TRHDE: variants seen among roughly 807,000 people sequenced by gnomAD.
The protein encoded by TRHDE is thyrotropin releasing hormone degrading enzyme.
Under a neutral mutation model 125.7 loss-of-function variants are expected in TRHDE, and 72 were observed. The observed-to-expected ratio is 0.57, with a 90% CI of 0.47 to 0.70. The LOEUF (loss-of-function observed/expected upper bound fraction) is 0.70, where lower values mean the gene tolerates loss of function less well. Among genes scored for constraint, TRHDE ranks in the 30% least tolerant of loss-of-function variants. The pLI, the probability that TRHDE is intolerant of heterozygous loss-of-function variation, is 0.00. For synonymous variants in TRHDE, 509 were observed against 509.1 expected (o/e 1.00, Z 0.00); for missense variants, 1,110 against 1,327.1 (o/e 0.84, Z 2.54).
chr12:72,648,810 C>G (rs1337982647), intron 15 of TRHDE, among the ~76,000 whole-genome samples: 4 of 151,512 alleles, frequency 2.6e-5, no homozygotes, highest in Non-Finnish European at 5.9e-5. Flanking sequence ...AATAAACTTT[C>G]AAAAGAATAA....
At chr12:72,355,470 C>T (rs977235364) in intron 2 of TRHDE, among the ~76,000 whole-genome samples, 16 of 151,534 alleles carry the variant, frequency 1.1e-4, no homozygotes, top group African/African-American at 2.9e-4. Context: ...ACGACCTAGG[C>T]AATACCATTC....
At chr12:72,158,219 G>A (rs1480757735) in intron 2 of TRHDE, among the ~76,000 whole-genome samples, 1 of 152,048 alleles carries the variant, frequency 6.6e-6, no homozygotes, top group Non-Finnish European at 1.5e-5. Context: ...CTGTAAAAGG[G>A]ATGAGAGGAA....
At chr12:72,275,756 G>A (rs373972795) in intron 1 of TRHDE, among the ~76,000 whole-genome samples, 1 of 152,110 alleles carries the variant, frequency 6.6e-6, no homozygotes, top group African/African-American at 2.4e-5. Flanking sequence ...TGCTTGAACC[G>A]TAACTGATTT....
rs372887491 is a variant in TRHDE at position 72,525,505 on chromosome 12, T to A, written c.1723-16786T>A. Among the ~76,000 whole-genome samples the A allele has an allele frequency of 1.6e-4, 24 of 152,138 alleles. No individual in the cohort carries two copies. The East Asian group carries it at 4.6e-3, about 29-fold the overall frequency. On this transcript the variant is annotated intron_variant, in intron 6 of 18. Transcript: ENST00000261180. Reference sequence around the variant, plus strand: ...TGCCTGGTATATCCTAGGATGACATTATTGAAATTTATACTTAAATTTGTT... The same window carrying A: ...TGCCTGGTATATCCTAGGATGACATAATTGAAATTTATACTTAAATTTGTT...
Position 72,226,256 on chromosome 12 carries a change from T to C in TRHDE, n.279+120504T>C, listed in dbSNP as rs1878125919. Among the ~76,000 whole-genome samples, 5 of 152,298 alleles carry C rather than the reference T, an allele frequency of 3.3e-5. No homozygotes were observed. In the South Asian group the frequency reaches 1.0e-3, roughly 32 times the overall value. ...GCAAGTGAGGTTCCAGAGGTAGATTTGATTTGATATAAAAAGGAAACATAA... is the reference window on the plus strand; with the variant it reads ...GCAAGTGAGGTTCCAGAGGTAGATTCGATTTGATATAAAAAGGAAACATAA... On this transcript the variant is annotated intron_variant and non_coding_transcript_variant, in intron 2 of 4. Transcript: ENST00000548156.
intron 6 of TRHDE, among the ~76,000 whole-genome samples, chr12:72,526,905 A>G (rs1868347386): frequency 6.6e-6 from 1 of 152,168 alleles, no homozygotes; most frequent in Admixed American, 6.6e-5. Context: ...AGGGAATTGT[A>G]AGTTTGGGAA....
At chr12:72,390,732 T>C (rs1872584778) in intron 3 of TRHDE, among the ~76,000 whole-genome samples, 1 of 152,230 alleles carries the variant, frequency 6.6e-6, no homozygotes. Flanking sequence ...TTATCATTTC[T>C]AAGGATTAGG....
chr12:72,332,165 G>A (rs1298121847), intron 2 of TRHDE, among the ~76,000 whole-genome samples: 1 of 151,738 alleles, frequency 6.6e-6, no homozygotes, highest in Non-Finnish European at 1.5e-5. Context: ...TTGAGATGGA[G>A]TCTCGCTCTG....
chr12:72,252,857 T>TCATTAAGTTGCCTCATAAAA (rs1878716579), intron 2 of TRHDE, among the ~76,000 whole-genome samples: 1 of 152,116 alleles, frequency 6.6e-6, no homozygotes, highest in Non-Finnish European at 1.5e-5. Context: ...TTTTTTTGCC[T>TCATTAAGTTGCCTCATAAAA]CATTAAGTTG....
At chr12:72,590,262 T>C (rs1007442115) in intron 12 of TRHDE, among the ~76,000 whole-genome samples, 1 of 152,076 alleles carries the variant, frequency 6.6e-6, no homozygotes, top group Admixed American at 6.5e-5. Flanking sequence ...TTTTCAGTCT[T>C]GTTTTATGGC....
intron 2 of TRHDE, chr12:72,263,363 A>T (rs1878994985): frequency 6.6e-6 from 1 of 150,748 alleles, no homozygotes; most frequent in South Asian, 2.1e-4. Flanking sequence ...CCCAGGTTAA[A>T]AAAAAAAAAG....
intron 3 of TRHDE, among the ~76,000 whole-genome samples, chr12:72,395,302 C>T (rs1019730497): frequency 3.9e-5 from 6 of 152,148 alleles, no homozygotes; most frequent in Non-Finnish European, 8.8e-5. Flanking sequence ...ATGACCCCTC[C>T]AACACCCTTG....
chr12:72,179,682 C>T (rs1235669217), intron 2 of TRHDE, among the ~76,000 whole-genome samples: 1 of 151,862 alleles, frequency 6.6e-6, no homozygotes, highest in East Asian at 1.9e-4. Flanking sequence ...TTGCTTTTGA[C>T]CTCATATTAT....
chr12:72,486,881 A>T (rs991651268), intron 5 of TRHDE, among the ~76,000 whole-genome samples: 1 of 152,106 alleles, frequency 6.6e-6, no homozygotes, highest in Non-Finnish European at 1.5e-5. Context: ...TCAACAACAT[A>T]CAAAAAGAAT....
At chr12:72,310,317 C>A (rs1466100548) in intron 2 of TRHDE, among the ~76,000 whole-genome samples, 4 of 152,202 alleles carry the variant, frequency 2.6e-5, no homozygotes, top group Non-Finnish European at 4.4e-5. Flanking sequence ...AGTCGGTAAA[C>A]CTGAATTCAA....
At chr12:72,249,077 G>A (rs1361553166) in intron 2 of TRHDE, among the ~76,000 whole-genome samples, 1 of 152,024 alleles carries the variant, frequency 6.6e-6, no homozygotes, top group East Asian at 1.9e-4. Flanking sequence ...AAATATAAAT[G>A]ATGTAACTAT....
chr12:72,424,577 G>T (rs1029721705), intron 3 of TRHDE, among the ~76,000 whole-genome samples: 1 of 152,130 alleles, frequency 6.6e-6, no homozygotes, highest in Non-Finnish European at 1.5e-5. Context: ...GTGTTAACTT[G>T]TTATGCAGCA....
At chr12:72,337,270 C>G (rs1252270762) in intron 2 of TRHDE, among the ~76,000 whole-genome samples, 1 of 152,116 alleles carries the variant, frequency 6.6e-6, no homozygotes, top group Non-Finnish European at 1.5e-5. Context: ...TTGTTCTTTT[C>G]AGGCTGGGAT....
intron 2 of TRHDE, among the ~76,000 whole-genome samples, chr12:72,341,334 T>A (rs1295878800): frequency 6.6e-6 from 1 of 151,936 alleles, no homozygotes; most frequent in African/African-American, 2.4e-5. Flanking sequence ...ATCTCATTGT[T>A]CAATTCCCAC....
Sources: gnomAD v4.1 joint callset for allele counts (sites outside exome capture counted in the v4.1 genomes callset) on GRCh38, gnomAD v4.1.1 for gene constraint, MANE v1.5 for transcripts, NCBI Gene and HGNC (gene_info 2026-07-23, HGNC 2026-07-21) for gene names.